CCDC3: variants seen among roughly 807,000 people sequenced by gnomAD.
CCDC3 encodes the protein coiled-coil domain-containing protein 3.
CCDC3 carries 24 observed loss-of-function variants against 21.4 expected under a neutral mutation model. The ratio of observed to expected loss-of-function variants is 1.12; its 90% confidence interval spans 0.81 to 1.58. The LOEUF is 1.58. Ranked by LOEUF, CCDC3 falls within the 40% of genes most tolerant of loss-of-function variation. The pLI, the probability that CCDC3 is intolerant of heterozygous loss-of-function variation, is 0.00. For missense variants in CCDC3, 425 were observed against 360.9 expected, an observed-to-expected ratio of 1.18 and a Z score of -1.44; for synonymous variants, 186 against 166.0, an observed-to-expected ratio of 1.12 and a Z score of -0.93.
chr10:13,026,195 T>C (rs1256736830), intron 5 of CCDC3, among the ~76,000 whole-genome samples: 1 of 151,934 alleles, frequency 6.6e-6, no homozygotes, highest in Admixed American at 6.6e-5. Flanking sequence ...TAAATAAAAA[T>C]AAATAATTTA....
At chr10:12,990,262 CCAA>C (rs1835661492) in intron 2 of CCDC3, among the ~76,000 whole-genome samples, 1 of 87,070 alleles carries the variant, frequency 1.1e-5, no homozygotes, top group Non-Finnish European at 2.4e-5. Flanking sequence ...TCCGTCTCAA[CCAA>C]AAAAAAAAAA....
chr10:13,048,229 G>A (rs1272611056), intron 5 of CCDC3, among the ~76,000 whole-genome samples: 1 of 152,044 alleles, frequency 6.6e-6, no homozygotes, highest in African/African-American at 2.4e-5. Context: ...GTCTCGCTCT[G>A]TTGCCAGACT....
At chr10:13,066,143 C>G (rs894009739) in intron 4 of CCDC3, among the ~76,000 whole-genome samples, 1 of 151,472 alleles carries the variant, frequency 6.6e-6, no homozygotes, top group Non-Finnish European at 1.5e-5. Flanking sequence ...GAATTTGCAG[C>G]TTAACAAGCA....
chr10:13,030,913 A>C (rs1283753616), intron 5 of CCDC3, among the ~76,000 whole-genome samples: 4 of 152,154 alleles, frequency 2.6e-5, no homozygotes, highest in Admixed American at 1.3e-4. Context: ...TTAACACCCC[A>C]CTGTCAACAT....
chr10:12,939,180 C>A (rs1425063086), intron 2 of CCDC3, among the ~76,000 whole-genome samples: 1 of 152,122 alleles, frequency 6.6e-6, no homozygotes, highest in Non-Finnish European at 1.5e-5. Flanking sequence ...AATGACCTTG[C>A]TTCCTACTTT....
intron 5 of CCDC3, among the ~76,000 whole-genome samples, chr10:13,038,374 C>CAAAAA (rs58667035): frequency 2.0e-4 from 20 of 98,814 alleles, no homozygotes; most frequent in East Asian, 3.4e-4. Context: ...AGTTGGAAAG[C>CAAAAA]AAAAAAAAAA....
chr10:12,927,395 C>T (rs1834560066), intron 2 of CCDC3, among the ~76,000 whole-genome samples: 1 of 152,228 alleles, frequency 6.6e-6, no homozygotes, highest in Non-Finnish European at 1.5e-5. Flanking sequence ...TTGCTCAATA[C>T]TAGCTAATAC....
intron 5 of CCDC3, among the ~76,000 whole-genome samples, chr10:13,036,613 T>C (rs1224263510): frequency 6.6e-6 from 1 of 151,310 alleles, no homozygotes; most frequent in African/African-American, 2.4e-5. Flanking sequence ...GCCTCCCGAG[T>C]AGCTGGGACG....
intron 2 of CCDC3, among the ~76,000 whole-genome samples, chr10:12,941,495 G>A (rs1282036754): frequency 6.6e-6 from 1 of 152,140 alleles, no homozygotes; most frequent in Non-Finnish European, 1.5e-5. Context: ...CTGGTAACAG[G>A]TGGGCTTCAG....
intron 3 of CCDC3, among the ~76,000 whole-genome samples, chr10:13,079,706 A>T (rs1026033726): frequency 1.3e-5 from 2 of 152,210 alleles, no homozygotes; most frequent in East Asian, 3.9e-4. Context: ...AGTAGTAAAA[A>T]GGATATTCAA....
At chr10:12,946,047 G>A (rs975782934) in intron 2 of CCDC3, among the ~76,000 whole-genome samples, 31 of 152,258 alleles carry the variant, frequency 2.0e-4, no homozygotes, top group African/African-American at 7.0e-4. Context: ...CTCCTGATAC[G>A]TCATCATAGT....
At chr10:12,964,863 G>A (rs1257904408) in intron 2 of CCDC3, among the ~76,000 whole-genome samples, 1 of 152,170 alleles carries the variant, frequency 6.6e-6, no homozygotes, top group African/African-American at 2.4e-5. Context: ...AGGAGTTTAG[G>A]ACAGGCCACC....
At chr10:12,924,433 C>T (rs1408871727) in intron 2 of CCDC3, among the ~76,000 whole-genome samples, 1 of 152,168 alleles carries the variant, frequency 6.6e-6, no homozygotes, top group Non-Finnish European at 1.5e-5. Context: ...TATTCGTTGC[C>T]AAAACAATTT....
intron 2 of CCDC3, among the ~76,000 whole-genome samples, chr10:13,098,825 T>C (rs1164486075): frequency 6.8e-6 from 1 of 148,070 alleles, no homozygotes; most frequent in Non-Finnish European, 1.5e-5. Flanking sequence ...CAAGCGATTC[T>C]TCTGCCTTAG....
chr10:13,016,083 AC>A (rs1836055209), intron 5 of CCDC3, among the ~76,000 whole-genome samples: 2 of 151,984 alleles, frequency 1.3e-5, no homozygotes, highest in Non-Finnish European at 2.9e-5. Context: ...CCTACTATGT[AC>A]CCACAAAAAG....
At chr10:13,016,088 CA>C (rs1836055278) in intron 5 of CCDC3, among the ~76,000 whole-genome samples, 1 of 151,832 alleles carries the variant, frequency 6.6e-6, no homozygotes, top group South Asian at 2.1e-4. Flanking sequence ...TATGTACCCA[CA>C]AAAAGTTAAA....
At chr10:13,064,808 C>A (rs186004729) in intron 4 of CCDC3, among the ~76,000 whole-genome samples, 1 of 152,204 alleles carries the variant, frequency 6.6e-6, no homozygotes, top group Admixed American at 6.5e-5. Context: ...AAATAAAAGA[C>A]ATACACTGGT....
At chr10:13,084,273 C>T (rs1337778170) in intron 3 of CCDC3, among the ~76,000 whole-genome samples, 2 of 142,088 alleles carry the variant, frequency 1.4e-5, no homozygotes, top group Non-Finnish European at 1.5e-5. Flanking sequence ...CACCACTCTA[C>T]CTTCTTTTCT....
chr10:13,030,313 G>T (rs1836283192), intron 5 of CCDC3, among the ~76,000 whole-genome samples: 1 of 152,146 alleles, frequency 6.6e-6, no homozygotes, highest in African/African-American at 2.4e-5. Context: ...TTACCACCAG[G>T]CCTGCCTTAC....
Sources: allele counts gnomAD v4.1 joint callset (sites outside exome capture counted in the v4.1 genomes callset), GRCh38; gene constraint gnomAD v4.1.1; transcripts MANE v1.5; gene names NCBI Gene and HGNC (gene_info 2026-07-23, HGNC 2026-07-21).